The following AFF3 variants were observed in gnomAD, a reference collection of about 807,000 sequenced individuals.
AFF3 encodes AF4/FMR2 family member 3.
A neutral mutation model predicts 129.7 loss-of-function variants in AFF3; 32 were observed. The observed-to-expected ratio is 0.25, with a 90% CI of 0.19 to 0.33. AFF3 has a LOEUF of 0.33. Among genes scored for constraint, AFF3 ranks in the 10% least tolerant of loss-of-function variants. The pLI is 1.00. For synonymous variants in AFF3, 644 were observed against 635.4 expected (o/e 1.01, Z -0.20); for missense variants, 1,373 against 1,592.0 (o/e 0.86, Z 2.34).
chr2:99,589,427 G>A (rs1433832618), intron 15 of AFF3, among the ~76,000 whole-genome samples: 6 of 106,158 alleles, frequency 5.7e-5, no homozygotes. Flanking sequence ...TTTTGAGACA[G>A]AGTCTCACTC....
chr2:99,854,307 G>A (rs1201783696), intron 7 of AFF3, among the ~76,000 whole-genome samples: 2 of 151,144 alleles, frequency 1.3e-5, no homozygotes. Context: ...TCATGCAATG[G>A]TCTCAGTGCA....
intron 4 of AFF3, among the ~76,000 whole-genome samples, chr2:100,094,362 T>C (rs1160754717): frequency 2.0e-5 from 3 of 152,206 alleles, no homozygotes; most frequent in African/African-American, 7.2e-5. Flanking sequence ...TGGGAGACAG[T>C]TACAGATCAT....
intron 4 of AFF3, among the ~76,000 whole-genome samples, chr2:100,091,247 A>C (rs1689834502): frequency 6.6e-6 from 1 of 152,104 alleles, no homozygotes; most frequent in South Asian, 2.1e-4. Context: ...GATAATACAT[A>C]CCTGTGAAAG....
chr2:99,872,649 T>TAAAATAAAATAAAATAAAATAAAATAAAA (rs1558934487), intron 7 of AFF3, among the ~76,000 whole-genome samples: 1 of 151,646 alleles, frequency 6.6e-6, no homozygotes, highest in African/African-American at 2.4e-5. Flanking sequence ...TAAAATAAAA[T>TAAAATAAAATAAAATAAAATAAAATAAAA]TTATCGGTCT....
chr2:100,044,153 A>C (rs1469830342), intron 4 of AFF3, among the ~76,000 whole-genome samples: 1 of 152,172 alleles, frequency 6.6e-6, no homozygotes. Flanking sequence ...CCTCTTCTGC[A>C]CCTTACCCTA....
chr2:99,819,465 TA>T (rs1687482863), intron 8 of AFF3, among the ~76,000 whole-genome samples: 1 of 152,218 alleles, frequency 6.6e-6, no homozygotes, highest in Non-Finnish European at 1.5e-5. Context: ...TTAACAAGAA[TA>T]ATAGCAGCTA....
chr2:99,969,563 A>T (rs1678140060), intron 7 of AFF3, among the ~76,000 whole-genome samples: 2 of 152,028 alleles, frequency 1.3e-5, no homozygotes, highest in Non-Finnish European at 2.9e-5. Context: ...ATCTCAGCTC[A>T]CTGCAACCTC....
chr2:99,813,786 C>G (rs769596884), intron 8 of AFF3, among the ~76,000 whole-genome samples: 21 of 152,088 alleles, frequency 1.4e-4, no homozygotes, highest in Non-Finnish European at 2.6e-4. Flanking sequence ...TTATTTGTAA[C>G]CTAGATGGTA....
intron 7 of AFF3, among the ~76,000 whole-genome samples, chr2:99,935,384 T>C (rs1296712980): frequency 3.3e-5 from 5 of 152,356 alleles, no homozygotes; most frequent in African/African-American, 7.2e-5. Context: ...ATTCAGCCAT[T>C]CTACAAATAT....
intron 4 of AFF3, among the ~76,000 whole-genome samples, chr2:100,025,090 T>C (rs992177735): frequency 6.6e-6 from 1 of 152,136 alleles, no homozygotes; most frequent in Non-Finnish European, 1.5e-5. Flanking sequence ...GTAGTAACTA[T>C]CAAATACAGC....
intron 8 of AFF3, among the ~76,000 whole-genome samples, chr2:99,794,602 A>G (rs2105465174): frequency 6.6e-6 from 1 of 152,250 alleles, no homozygotes; most frequent in Middle Eastern, 3.4e-3. Context: ...TAAAGACTCA[A>G]GGGGTCCCCT....
Position 99,567,947 on chromosome 2 carries a change from G to A in AFF3, c.2982+905C>T, listed in dbSNP as rs564828451. 3.3e-5 allele frequency among the ~76,000 whole-genome samples: 5 copies of A among 152,306 alleles called. No individual in the cohort carries two copies. The South Asian group carries it at 8.3e-4, about 25-fold the overall frequency. ...ACTGTCCATCAGACTCAGATTGTGTGGACAAGAGCTGTACCTTCCGCTGCC... is the reference window on the plus strand; with the variant it reads ...ACTGTCCATCAGACTCAGATTGTGTAGACAAGAGCTGTACCTTCCGCTGCC... On this transcript the variant is annotated intron_variant, in intron 19 of 24. Coordinates refer to ENST00000672756, the MANE Select transcript of AFF3 (RefSeq NM_001386135.1).
chr2:99,839,371 A>G (rs1321272907), intron 7 of AFF3, among the ~76,000 whole-genome samples: 1 of 151,938 alleles, frequency 6.6e-6, no homozygotes, highest in Non-Finnish European at 1.5e-5. Flanking sequence ...CGGCCTCCCA[A>G]AGTGCTGGGA....
intron 18 of AFF3, among the ~76,000 whole-genome samples, chr2:99,574,723 C>A (rs537957275): frequency 6.6e-6 from 1 of 152,150 alleles, no homozygotes; most frequent in Non-Finnish European, 1.5e-5. Flanking sequence ...CTGCATGATG[C>A]GGCTTTAAAA....
intron 7 of AFF3, among the ~76,000 whole-genome samples, chr2:99,846,406 A>C (rs1406048943): frequency 2.0e-5 from 3 of 152,274 alleles, no homozygotes; most frequent in Non-Finnish European, 4.4e-5. Context: ...CTGGGATTAT[A>C]GGCGTGAGCC....
At chr2:99,756,465 T>C (rs1379139203) in intron 8 of AFF3, among the ~76,000 whole-genome samples, 3 of 152,246 alleles carry the variant, frequency 2.0e-5, no homozygotes, top group Non-Finnish European at 2.9e-5. Context: ...CTGTGGGTGT[T>C]CATGCCTGAC....
At chr2:99,928,804 A>C (rs1415445980) in intron 7 of AFF3, among the ~76,000 whole-genome samples, 1 of 152,170 alleles carries the variant, frequency 6.6e-6, no homozygotes, top group Non-Finnish European at 1.5e-5. Flanking sequence ...ACTTGAATGA[A>C]GAATTTTATA....
At chr2:99,866,985 TAATAATAATAATAATAAA>T (rs1286978557) in intron 7 of AFF3, among the ~76,000 whole-genome samples, 5 of 104,906 alleles carry the variant, frequency 4.8e-5, no homozygotes, top group Admixed American at 1.1e-4. Flanking sequence ...ATAATAATAA[TAATAATAATAATAATAAA>T]AAATAAATAA....
chr2:99,811,819 C>T (rs143697878), intron 8 of AFF3, among the ~76,000 whole-genome samples: 7 of 152,348 alleles, frequency 4.6e-5, no homozygotes, highest in South Asian at 4.1e-4. Context: ...ATAAGTCACA[C>T]GCTTTATGTC....
Sources: gnomAD v4.1 joint callset for allele counts (sites outside exome capture counted in the v4.1 genomes callset) on GRCh38, gnomAD v4.1.1 for gene constraint, MANE v1.5 for transcripts, NCBI Gene and HGNC (gene_info 2026-07-23, HGNC 2026-07-21) for gene names.